The following SRGAP3 variants were observed in gnomAD, a reference collection of about 807,000 sequenced individuals.
SRGAP3 encodes SLIT-ROBO Rho GTPase-activating protein 3.
Under a neutral mutation model 121.1 loss-of-function variants are expected in SRGAP3, and 39 were observed. That is an observed-to-expected ratio of 0.32 (90% confidence interval 0.25 to 0.42). SRGAP3 has a LOEUF of 0.42. Ranked by LOEUF, SRGAP3 falls within the 10% of genes least tolerant of loss-of-function variation. The probability of loss-of-function intolerance (pLI) is 1.00; values close to 1 mark genes in which losing one functional copy is unlikely to be tolerated. For missense variants in SRGAP3, 1,213 were observed against 1,470.6 expected, an observed-to-expected ratio of 0.82 and a Z score of 2.86; for synonymous variants, 601 against 570.0, an observed-to-expected ratio of 1.05 and a Z score of -0.77.
intron 18 of SRGAP3, among the ~76,000 whole-genome samples, chr3:8,998,743 C>A (rs778265072): frequency 6.6e-6 from 1 of 152,158 alleles, no homozygotes; most frequent in African/African-American, 2.4e-5. Context: ...GCACTCAATA[C>A]ATATTTATTG....
At chr3:9,296,874 C>T (rs1488805943) in intron 3 of SRGAP3, among the ~76,000 whole-genome samples, 1 of 152,048 alleles carries the variant, frequency 6.6e-6, no homozygotes, top group Admixed American at 6.6e-5. Context: ...CCTCTACCAC[C>T]TTTAGTTTTG....
intron 3 of SRGAP3, among the ~76,000 whole-genome samples, chr3:9,258,616 C>G (rs1050384083): frequency 1.3e-5 from 2 of 152,190 alleles, no homozygotes; most frequent in Admixed American, 6.5e-5. Flanking sequence ...CACGTACCAT[C>G]ATACTGAAAA....
At chr3:9,360,556 G>A (rs570986032) in intron 1 of SRGAP3, among the ~76,000 whole-genome samples, 2 of 152,280 alleles carry the variant, frequency 1.3e-5, no homozygotes, top group South Asian at 4.1e-4. Flanking sequence ...CCAAGACTGG[G>A]CAATTTGCAA....
chr3:9,279,615 G>A (rs1954642796), intron 3 of SRGAP3, among the ~76,000 whole-genome samples: 1 of 149,410 alleles, frequency 6.7e-6, no homozygotes, highest in Non-Finnish European at 1.5e-5. Flanking sequence ...CCGGGTTCAA[G>A]CAATTCTCCT....
At position 9,075,739 on chromosome 3, in the gene SRGAP3, C is replaced by T. The variant is rs372245979; in HGVS notation, c.486+4286G>A. On this transcript the variant is annotated intron_variant, in intron 4 of 21. Coordinates refer to ENST00000383836, the MANE Select transcript of SRGAP3 (RefSeq NM_014850.4). ...AGTTTACTGGAAAATCCTTTCTCTGCATTATTTGTTCCTCAGTGACTGTGG... is the reference window on the plus strand; with the variant it reads ...AGTTTACTGGAAAATCCTTTCTCTGTATTATTTGTTCCTCAGTGACTGTGG... 2.2e-4 allele frequency among the ~76,000 whole-genome samples: 33 copies of T among 152,284 alleles called. No homozygotes were observed. In the East Asian group the frequency reaches 2.7e-3, roughly 12 times the overall value.
In SRGAP3 at chr3:9,362,389, C is replaced by T. The variant is rs573657343; in HGVS notation, n.214+451G>A. On this transcript the variant is annotated intron_variant and non_coding_transcript_variant, in intron 1 of 3. Coordinates refer to the SRGAP3 transcript ENST00000490889. Reference sequence around the variant, plus strand: ...ATGTTGGCCAGCCTGGCCTCAAACTCCTGACCTCAAGTGATCCACCCGCCT... The same window carrying T: ...ATGTTGGCCAGCCTGGCCTCAAACTTCTGACCTCAAGTGATCCACCCGCCT... Among the ~76,000 whole-genome samples the T allele has an allele frequency of 1.7e-4, 26 of 150,688 alleles. No homozygotes were observed. In the South Asian group the frequency reaches 4.4e-3, roughly 25 times the overall value.
chr3:9,301,040 G>A (rs1435442735), intron 3 of SRGAP3, among the ~76,000 whole-genome samples: 2 of 152,116 alleles, frequency 1.3e-5, no homozygotes, highest in African/African-American at 4.8e-5. Flanking sequence ...AGGTATGGAA[G>A]TTAAAAAAGG....
intron 3 of SRGAP3, among the ~76,000 whole-genome samples, chr3:9,324,663 T>C (rs1955487808): frequency 6.6e-6 from 1 of 151,828 alleles, no homozygotes; most frequent in South Asian, 2.1e-4. Context: ...TTTAGAAAAA[T>C]TCCCCCTTTT....
rs192637777 is a variant in SRGAP3, at chr3:9,122,513, T to A, written c.260+2212A>T. On this transcript the variant is annotated intron_variant, in intron 2 of 21. Transcript: ENST00000383836. Reference sequence around the variant, plus strand: ...TCATGAGGTCAGGAGATGGAGACCATCCTGGCTAACATGGTGAAACCCCGT... The same window carrying A: ...TCATGAGGTCAGGAGATGGAGACCAACCTGGCTAACATGGTGAAACCCCGT... Among the ~76,000 whole-genome samples the A allele has an allele frequency of 1.9e-3, 294 of 151,880 alleles. 1 individual carries two copies. Among genetic ancestry groups the A allele is most frequent in the African/African-American group, 6.9e-3 (284 of 41,408 alleles).
intron 11 of SRGAP3, chr3:9,036,735 A>T (rs998549748): frequency 1.3e-5 from 2 of 152,190 alleles, no homozygotes; most frequent in Admixed American, 6.5e-5. Flanking sequence ...GGACAGCTCA[A>T]TTCATCCCCC....
intron 1 of SRGAP3, among the ~76,000 whole-genome samples, chr3:9,347,068 A>G (rs1955904809): frequency 6.6e-6 from 1 of 152,156 alleles, no homozygotes; most frequent in Admixed American, 6.5e-5. Context: ...TGCTGGGATT[A>G]TAGGCATGAG....
chr3:9,084,624 C>T (rs1221797053), intron 3 of SRGAP3, among the ~76,000 whole-genome samples: 4 of 152,164 alleles, frequency 2.6e-5, no homozygotes, highest in Non-Finnish European at 2.9e-5. Flanking sequence ...CTGTTACTTG[C>T]AGCCAAAAGC....
intron 14 of SRGAP3, among the ~76,000 whole-genome samples, chr3:9,020,934 C>T (rs969068354): frequency 4.6e-5 from 7 of 152,242 alleles, no homozygotes; most frequent in Non-Finnish European, 8.8e-5. Flanking sequence ...CCCAGATCAC[C>T]TGGGCGTTGC....
chr3:9,006,718 C>T (rs1034106240), intron 18 of SRGAP3, among the ~76,000 whole-genome samples: 1 of 152,126 alleles, frequency 6.6e-6, no homozygotes, highest in African/African-American at 2.4e-5. Context: ...CCCATATGAA[C>T]ATGCCTCTGT....
chr3:9,273,176 G>T (rs1325744404), intron 3 of SRGAP3, among the ~76,000 whole-genome samples: 2 of 152,150 alleles, frequency 1.3e-5, no homozygotes, highest in Non-Finnish European at 2.9e-5. Flanking sequence ...TTCACAATAG[G>T]GTTTGCGCTC....
chr3:9,096,050 C>A lies in SRGAP3; in HGVS notation c.423+8630G>T, dbSNP rs374870640. Among the ~76,000 whole-genome samples, 7 of 152,194 alleles carry A rather than the reference C, an allele frequency of 4.6e-5. No individual in the cohort carries two copies. The East Asian group carries it at 7.7e-4, about 17-fold the overall frequency. On this transcript the variant is annotated intron_variant, in intron 3 of 21. Coordinates refer to ENST00000383836, the MANE Select transcript of SRGAP3 (RefSeq NM_014850.4). ...TCACACCACTGCACTCCAGCCTGGGCAACAGAGTGAAACCCATCTCAAAAA... is the reference window on the plus strand; with the variant it reads ...TCACACCACTGCACTCCAGCCTGGGAAACAGAGTGAAACCCATCTCAAAAA...
chr3:9,073,375 GCT>G (rs1946811444), intron 4 of SRGAP3, among the ~76,000 whole-genome samples: 2 of 152,204 alleles, frequency 1.3e-5, no homozygotes, highest in African/African-American at 4.8e-5. Flanking sequence ...GAACTCCTAG[GCT>G]CAAGCGATCT....
At chr3:9,175,169 C>CAAGCCA in intron 1 of SRGAP3, among the ~76,000 whole-genome samples, 1 of 152,208 alleles carries the variant, frequency 6.6e-6, no homozygotes, top group Non-Finnish European at 1.5e-5. Flanking sequence ...GCTTAAATCC[C>CAAGCCA]AAGCCAAAAT....
intron 3 of SRGAP3, among the ~76,000 whole-genome samples, chr3:9,101,390 C>G (rs1399582996): frequency 6.6e-6 from 1 of 152,232 alleles, no homozygotes; most frequent in Non-Finnish European, 1.5e-5. Context: ...GTGTCCCGGC[C>G]TGGCGAGGCA....
Sources: allele counts gnomAD v4.1 joint callset (sites outside exome capture counted in the v4.1 genomes callset), GRCh38; gene constraint gnomAD v4.1.1; transcripts MANE v1.5; gene names NCBI Gene and HGNC (gene_info 2026-07-23, HGNC 2026-07-21).